PDGFRA: variants seen among roughly 807,000 people sequenced by gnomAD.
PDGFRA encodes the protein platelet derived growth factor receptor alpha.
In PDGFRA, 25 loss-of-function variants were observed where a neutral mutation model predicts 121.5. The observed-to-expected ratio is 0.21, with a 90% CI of 0.15 to 0.29. PDGFRA has a LOEUF of 0.29. PDGFRA is among the 10% of genes least tolerant of loss of function. The pLI is 1.00. For synonymous variants in PDGFRA, 463 were observed against 494.8 expected, an observed-to-expected ratio of 0.94 and a Z score of 0.85; for missense variants, 1,008 against 1,345.1, an observed-to-expected ratio of 0.75 and a Z score of 3.92.
intron 2 of PDGFRA, among the ~76,000 whole-genome samples, chr4:54,259,455 T>C (rs1488707596): frequency 6.6e-6 from 1 of 152,220 alleles, no homozygotes; most frequent in Non-Finnish European, 1.5e-5. Context: ...AGGAATCAAA[T>C]TGATAGATGA....
At chr4:54,249,681 T>C (rs954555575) in intron 1 of PDGFRA, among the ~76,000 whole-genome samples, 4 of 152,100 alleles carry the variant, frequency 2.6e-5, no homozygotes, top group African/African-American at 9.7e-5. Context: ...ATATACCTCG[T>C]GCTAAATGAC....
chr4:54,229,337 A>G lies in PDGFRA; in HGVS notation c.-91A>G. 1 of 398,662 alleles carries G rather than the reference A, an allele frequency of 2.5e-6. No homozygotes were observed. Among genetic ancestry groups the G allele is most frequent in the Non-Finnish European group, 4.4e-6 (1 of 226,086 alleles). The allele number at this position is 398,662 out of a possible 1,614,324, so 24.7% of individuals were successfully genotyped here. On this transcript the variant is annotated 5_prime_UTR_variant, in exon 1 of 23. Coordinates refer to ENST00000257290, the MANE Select transcript of PDGFRA (RefSeq NM_006206.6). ...GGAGAGAAACAGAGGAGGAGACTGC[A>G]AGAGATCATTGGAGGCCGTGGGCAC...
chr4:54,244,373 C>G (rs1156305922), intron 1 of PDGFRA, among the ~76,000 whole-genome samples: 1 of 152,194 alleles, frequency 6.6e-6, no homozygotes, highest in Non-Finnish European at 1.5e-5. Context: ...GACAAAACTT[C>G]CAGAGGAATG....
chr4:54,251,735 C>T (rs187988952), intron 1 of PDGFRA, among the ~76,000 whole-genome samples: 4 of 152,214 alleles, frequency 2.6e-5, no homozygotes, highest in Admixed American at 2.6e-4. Flanking sequence ...CTTGGGACAT[C>T]AAGAAGAAAG....
chr4:54,233,301 G>T (rs1720804059), intron 1 of PDGFRA, among the ~76,000 whole-genome samples: 1 of 152,222 alleles, frequency 6.6e-6, no homozygotes, highest in Non-Finnish European at 1.5e-5. Flanking sequence ...GTTCCTCTGG[G>T]TCCCGGGGTC....
At position 54,267,249 on chromosome 4, in the gene PDGFRA, G is replaced by A. The variant is rs375048984; in HGVS notation, c.760-40G>A. On this transcript the variant is annotated intron_variant, in intron 5 of 22. Transcript: ENST00000257290. ...TATCTTAGAGTTCACTCCTAGGAGC[G>A]AGCTTTTTAAAAGTCGGTTTTCTTC... is the stretch of plus-strand genomic sequence containing the variant. 17 of 1,599,148 alleles carry A rather than the reference G, an allele frequency of 1.1e-5. No homozygotes were observed. In the African/African-American group the frequency reaches 1.9e-4, roughly 18 times the overall value.
intron 21 of PDGFRA, 54 bp downstream of exon 21, chr4:54,289,168 G>A (rs1450709775): frequency 2.0e-6 from 2 of 1,015,476 alleles, no homozygotes; most frequent in African/African-American, 1.6e-5. Flanking sequence ...AGTTATACCA[G>A]TGAGCTGTGC....
intron 18 of PDGFRA, among the ~76,000 whole-genome samples, chr4:54,287,074 C>A (rs1373315789): frequency 6.6e-6 from 1 of 152,116 alleles, no homozygotes; most frequent in Non-Finnish European, 1.5e-5. Flanking sequence ...GCTCATAGAT[C>A]ATTGGATCTG....
At chr4:54,250,674 A>G (rs6842432) in intron 1 of PDGFRA, among the ~76,000 whole-genome samples, 134 of 152,328 alleles carry the variant, frequency 8.8e-4, no homozygotes, top group African/African-American at 3.1e-3. Flanking sequence ...TCACCCACAG[A>G]CAATTGTCTT....
rs1724342837 is a variant in PDGFRA at position 54,285,980 on chromosome 4, C to G, written c.2562+17C>G. The G allele has an allele frequency of 6.2e-7, 1 of 1,612,902 alleles. No individual in the cohort carries two copies. Among genetic ancestry groups the G allele is most frequent in the African/African-American group, 1.3e-5 (1 of 74,908 alleles). On this transcript the variant is annotated intron_variant, in intron 18 of 22. Coordinates refer to ENST00000257290, the MANE Select transcript of PDGFRA (RefSeq NM_006206.6). ...AAAGGCAGTGTACGTCCTCACTTCCCTCACTGGTCAGGCTCATCCTCCTTC... is the reference window on the plus strand; with the variant it reads ...AAAGGCAGTGTACGTCCTCACTTCCGTCACTGGTCAGGCTCATCCTCCTTC...
At chr4:54,284,761 T>A (rs1003271488) in intron 16 of PDGFRA, among the ~76,000 whole-genome samples, 2 of 151,392 alleles carry the variant, frequency 1.3e-5, no homozygotes, top group African/African-American at 4.9e-5. Flanking sequence ...CACTTCAACA[T>A]GAGATTTGGG....
intron 22 of PDGFRA, among the ~76,000 whole-genome samples, chr4:54,292,716 T>C (rs139608104): frequency 1.3e-5 from 2 of 152,220 alleles, no homozygotes; most frequent in East Asian, 3.9e-4. Flanking sequence ...AACAAGATCA[T>C]GTCCTTTGCA....
intron 1 of PDGFRA, among the ~76,000 whole-genome samples, chr4:54,251,780 CA>C (rs1049897855): frequency 4.6e-5 from 7 of 152,178 alleles, no homozygotes; most frequent in African/African-American, 7.2e-5. Flanking sequence ...TTTGCAGGCA[CA>C]GATAAATCTG....
chr4:54,267,501 C>G (rs368855821), intron 6 of PDGFRA, 41 bp downstream of exon 6: 1 of 1,613,474 alleles, frequency 6.2e-7, no homozygotes, highest in Non-Finnish European at 8.5e-7. Flanking sequence ...CCATGCTGCT[C>G]GGGATCCATA....
Position 54,280,400 on chromosome 4 carries a change from A to G in PDGFRA, c.2241A>G (p.Glu747=). 6.2e-7 allele frequency: 1 copy of G among 1,613,360 alleles called. No individual in the cohort carries two copies. The highest frequency in any genetic ancestry group is 8.5e-7 in the Non-Finnish European group (1 of 1,179,284). Residue 747 remains glutamate (E), a synonymous_variant, in exon 16 of 23, where the codon GAA becomes GAG. Coordinates refer to ENST00000257290, the MANE Select transcript of PDGFRA (RefSeq NM_006206.6). The part of the protein sequence containing the change: ...ADTTQYVPML[E]RKEVSKYSDI... ...CTACACAGTATGTCCCCATGCTAGAAAGGAAAGAGGTTTCTAAATATTCCG... is the reference window on the plus strand; with the variant it reads ...CTACACAGTATGTCCCCATGCTAGAGAGGAAAGAGGTTTCTAAATATTCCG...
intron 1 of PDGFRA, among the ~76,000 whole-genome samples, chr4:54,248,771 T>C (rs1334290710): frequency 6.6e-6 from 1 of 151,860 alleles, no homozygotes; most frequent in Non-Finnish European, 1.5e-5. Flanking sequence ...ACCATCAGAG[T>C]GAATAGGCAA....
intron 3 of PDGFRA, among the ~76,000 whole-genome samples, 186 bp downstream of exon 3, chr4:54,261,598 G>A (rs932821511): frequency 2.6e-5 from 4 of 152,028 alleles, no homozygotes; most frequent in African/African-American, 9.7e-5. Flanking sequence ...GCATTTCAGA[G>A]CTGTATTAAG....
In PDGFRA at chr4:54,296,679, T is replaced by C. The variant is rs1481556116; in HGVS notation, c.*1407T>C. ...AGGGAAACCAGAGTCTGTATTTTTCTAAACTCCCTGGCTGTTCTGATCGGC... is the reference window on the plus strand; with the variant it reads ...AGGGAAACCAGAGTCTGTATTTTTCCAAACTCCCTGGCTGTTCTGATCGGC... On this transcript the variant is annotated 3_prime_UTR_variant, in exon 23 of 23. Transcript: ENST00000257290. 1 of 232,630 alleles carries C rather than the reference T, an allele frequency of 4.3e-6. No homozygotes were observed. The highest frequency in any genetic ancestry group is 2.2e-5 in the African/African-American group (1 of 45,288). 14.4% of individuals were successfully genotyped at this position (232,630 alleles called of 1,614,324 possible).
rs753055519 is a variant in PDGFRA at position 54,285,491 on chromosome 4, G to A, written c.2439+5G>A. On this transcript the variant is annotated splice_donor_5th_base_variant and intron_variant, in intron 17 of 22. Transcript: ENST00000257290. ...GAGTTTTTGGCTTCAAAAAATGTAA[G>A]TTCAAGGAACACAGACCTTTTTAGA... is the stretch of plus-strand genomic sequence containing the variant. 1.6e-6 allele frequency: 2 copies of A among 1,278,696 alleles called. No individual in the cohort carries two copies. Among genetic ancestry groups the A allele is most frequent in the Middle Eastern group, 3.7e-4 (2 of 5,406 alleles). 79.2% of individuals were successfully genotyped at this position (1,278,696 alleles called of 1,614,324 possible).
Sources: allele counts gnomAD v4.1 joint callset (sites outside exome capture counted in the v4.1 genomes callset), GRCh38; gene constraint gnomAD v4.1.1; transcripts MANE v1.5; gene names NCBI Gene and HGNC (gene_info 2026-07-23, HGNC 2026-07-21).